TMEM120B: variants seen among roughly 807,000 people sequenced by gnomAD.
TMEM120B encodes transmembrane protein 120B.
Under a neutral mutation model 55.5 loss-of-function variants are expected in TMEM120B, and 31 were observed. That is an observed-to-expected ratio of 0.56 (90% CI 0.42 to 0.75). The LOEUF is 0.75. Ranked by LOEUF, TMEM120B falls within the 30% of genes least tolerant of loss-of-function variation. The pLI, the probability that TMEM120B is intolerant of heterozygous loss-of-function variation, is 0.00. For synonymous variants in TMEM120B, 203 were observed against 176.3 expected, an observed-to-expected ratio of 1.15 and a Z score of -1.20; for missense variants, 399 against 425.5, an observed-to-expected ratio of 0.94 and a Z score of 0.55.
chr12:121,771,643 C>A, intron 8 of TMEM120B, 94 bp downstream of exon 8: 1 of 1,310,754 alleles, frequency 7.6e-7, no homozygotes, highest in Non-Finnish European at 1.1e-6. Context: ...CAGTGCTTGC[C>A]TGTGTGGCAG....
chr12:121,779,467 C>T lies in TMEM120B; in HGVS notation c.*3745C>T. 6.2e-7 allele frequency: 1 copy of T among 1,604,334 alleles called. No homozygotes were observed. On this transcript the variant is annotated 3_prime_UTR_variant, in exon 12 of 12. Transcript: ENST00000449592. ...CGGCACCTGGGCCCCCGGGCCCTGT[C>T]AGTGCTGTCGTGAGGTCTGTCTGCC...
chr12:121,749,811 C>T (rs891485009), intron 3 of TMEM120B, among the ~76,000 whole-genome samples: 5 of 151,380 alleles, frequency 3.3e-5, no homozygotes, highest in African/African-American at 1.2e-4. Context: ...GAGGCTGAGG[C>T]AGCAGAATTG....
chr12:121,737,670 G>A (rs1872791025), intron 1 of TMEM120B, among the ~76,000 whole-genome samples: 1 of 152,100 alleles, frequency 6.6e-6, no homozygotes, highest in South Asian at 2.1e-4. Flanking sequence ...AGCCAGGGAA[G>A]AGAGGGTGGA....
intron 5 of TMEM120B, among the ~76,000 whole-genome samples, chr12:121,756,747 G>C (rs1873485855): frequency 6.6e-6 from 1 of 152,208 alleles, no homozygotes; most frequent in Non-Finnish European, 1.5e-5. Flanking sequence ...ACAGACAACA[G>C]TCACTCTCTG....
chr12:121,732,005 C>T (rs1021676442), intron 1 of TMEM120B, among the ~76,000 whole-genome samples: 1 of 152,196 alleles, frequency 6.6e-6, no homozygotes. Context: ...GGCGTGGTGG[C>T]GGGCGCCTGT....
intron 6 of TMEM120B, among the ~76,000 whole-genome samples, chr12:121,769,143 CAAAA>C (rs34286143): frequency 2.2e-5 from 2 of 88,990 alleles, no homozygotes. Flanking sequence ...AAGACTGTCT[CAAAA>C]AAAAAAAAAA....
intron 6 of TMEM120B, among the ~76,000 whole-genome samples, chr12:121,762,949 C>T (rs181252622): frequency 2.0e-5 from 3 of 152,182 alleles, no homozygotes; most frequent in Admixed American, 1.3e-4. Flanking sequence ...TGAGTGAGTC[C>T]AGGCAAGACT....
intron 1 of TMEM120B, among the ~76,000 whole-genome samples, chr12:121,726,048 A>AAAC (rs61275811): frequency 8.1e-5 from 12 of 147,396 alleles, no homozygotes; most frequent in Admixed American, 4.8e-4. Flanking sequence ...AAAAAAAAAA[A>AAAC]CAAAAAAAAA....
In TMEM120B at chr12:121,773,497, C is replaced by T. The variant is rs775499500; in HGVS notation, c.756C>T (p.His252=). The change falls in exon 9 of 12, where the codon CAC becomes CAT. Residue 252 remains histidine, a synonymous_variant. Coordinates refer to ENST00000449592, the MANE Select transcript of TMEM120B (RefSeq NM_001080825.2). The stretch of plus-strand genomic sequence containing the variant: ...TGCGGGCCCTGGGGGAGAGGAACCA[C>T]CTGGATCTCACAGTGGGTGAGTAGC... ...YRLRALGERN[H]LDLTVEGFQS... 1 of 1,600,478 alleles carries T rather than the reference C, an allele frequency of 6.2e-7. No homozygotes were observed. Among genetic ancestry groups the T allele is most frequent in the Non-Finnish European group, 8.5e-7 (1 of 1,172,658 alleles).
In TMEM120B at chr12:121,779,348, A is replaced by T. The variant is rs1243234629; in HGVS notation, c.*3626A>T. 1.1e-5 allele frequency: 9 copies of T among 826,648 alleles called. No homozygotes were observed. The highest frequency in any genetic ancestry group is 1.7e-5 in the Non-Finnish European group (9 of 542,608). 51.2% of individuals were successfully genotyped at this position (826,648 alleles called of 1,614,324 possible). A position where few individuals can be genotyped will look rare whatever the true frequency, so the allele number is the denominator to read the frequency against. On this transcript the variant is annotated 3_prime_UTR_variant, in exon 12 of 12. Coordinates refer to ENST00000449592, the MANE Select transcript of TMEM120B (RefSeq NM_001080825.2). Reference sequence around the variant, plus strand: ...TTTGTGGTCAGAGCCCCAGCCAGGAAAGGAGAGAGTTCCAGAATGTTCCAA... The same window carrying T: ...TTTGTGGTCAGAGCCCCAGCCAGGATAGGAGAGAGTTCCAGAATGTTCCAA...
At position 121,778,450 on chromosome 12, in the gene TMEM120B, C is replaced by CA. The variant is rs35474958; in HGVS notation, c.*2749dup. The CA allele has an allele frequency of 0.016, 1,466 of 90,742 alleles. 12 individuals carry two copies. The highest frequency in any genetic ancestry group is 0.027 in the Admixed American group (224 of 8,226). The allele number at this position is 90,742 out of a possible 1,614,324, so 5.6% of individuals were successfully genotyped here. On this transcript the variant is annotated 3_prime_UTR_variant, in exon 12 of 12. Transcript: ENST00000449592. ...TGAGTGACAGAATGAGACTCTGTCC[C>CA]AAAAAAAAAAAAAAAAAAAAATTCC... is the stretch of plus-strand genomic sequence containing the variant.
intron 6 of TMEM120B, among the ~76,000 whole-genome samples, chr12:121,762,297 C>T (rs1289355241): frequency 6.6e-6 from 1 of 151,908 alleles, no homozygotes; most frequent in Non-Finnish European, 1.5e-5. Flanking sequence ...AGAGGTGACC[C>T]ATTGTTCTGC....
At chr12:121,735,420 G>C (rs1157194660) in intron 1 of TMEM120B, among the ~76,000 whole-genome samples, 1 of 148,864 alleles carries the variant, frequency 6.7e-6, no homozygotes, top group South Asian at 2.1e-4. Flanking sequence ...TTTTTTTTGA[G>C]ACAGAGTCTT....
At chr12:121,772,568 G>A (rs1874101923) in intron 8 of TMEM120B, among the ~76,000 whole-genome samples, 1 of 151,972 alleles carries the variant, frequency 6.6e-6, no homozygotes, top group Admixed American at 6.6e-5. Context: ...GGGATTACAG[G>A]TGCCTGCCAC....
intron 1 of TMEM120B, among the ~76,000 whole-genome samples, chr12:121,726,270 T>C (rs1488175865): frequency 6.6e-6 from 1 of 151,970 alleles, no homozygotes. Context: ...AAATTATATA[T>C]CAATGAAGTT....
chr12:121,739,010 A>C (rs543390659), intron 1 of TMEM120B, among the ~76,000 whole-genome samples: 1 of 152,188 alleles, frequency 6.6e-6, no homozygotes, highest in African/African-American at 2.4e-5. Context: ...AACATGGTGA[A>C]ACCCCGTCCA....
At chr12:121,718,237 C>T (rs1894735918) in intron 1 of TMEM120B, among the ~76,000 whole-genome samples, 1 of 152,116 alleles carries the variant, frequency 6.6e-6, no homozygotes, top group South Asian at 2.1e-4. Context: ...AATCCCAGCA[C>T]TTTGGGAGGC....
chr12:121,765,670 C>T (rs923637834), intron 6 of TMEM120B, among the ~76,000 whole-genome samples: 2 of 152,184 alleles, frequency 1.3e-5, no homozygotes, highest in Non-Finnish European at 2.9e-5. Flanking sequence ...AGAAGGACTA[C>T]AGGAGCTGGG....
chr12:121,714,714 A>G (rs1453903723), intron 1 of TMEM120B, among the ~76,000 whole-genome samples: 1 of 151,528 alleles, frequency 6.6e-6, no homozygotes, highest in Non-Finnish European at 1.5e-5. Context: ...GGTGCGCGCC[A>G]CCATGCCCAG....
Sources: allele counts gnomAD v4.1 joint callset (sites outside exome capture counted in the v4.1 genomes callset), GRCh38; gene constraint gnomAD v4.1.1; transcripts MANE v1.5; gene names NCBI Gene and HGNC (gene_info 2026-07-23, HGNC 2026-07-21).